Variants in FMN2 observed in about 807,000 individuals in gnomAD.
FMN2 encodes formin-2.
A neutral mutation model predicts 142.3 loss-of-function variants in FMN2; 51 were observed. That is an observed-to-expected ratio of 0.36 (90% CI 0.29 to 0.45). The LOEUF (loss-of-function observed/expected upper bound fraction) is 0.45. Among genes scored for constraint, FMN2 ranks in the 20% least tolerant of loss-of-function variants. The probability of loss-of-function intolerance (pLI) is 1.00; values close to 1 mark genes in which losing one functional copy is unlikely to be tolerated. For missense variants in FMN2, 1,936 were observed against 2,122.8 expected (o/e 0.91, Z 1.73); for synonymous variants, 882 against 869.8 (o/e 1.01, Z -0.25).
chr1:240,388,877 A>G (rs9662808), intron 14 of FMN2, among the ~76,000 whole-genome samples: 2,126 of 135,746 alleles, frequency 0.016, 50 homozygotes, highest in African/African-American at 0.042. Flanking sequence ...AAAAAAAAAA[A>G]GGGGGGGGGT....
At chr1:240,146,414 A>G (rs569744217) in intron 2 of FMN2, among the ~76,000 whole-genome samples, 3 of 133,170 alleles carry the variant, frequency 2.3e-5, no homozygotes, top group African/African-American at 8.1e-5. Context: ...AAAAAAAAAA[A>G]TAGTATGGCC....
At chr1:240,404,878 G>C (rs1257813847) in intron 15 of FMN2, among the ~76,000 whole-genome samples, 2 of 152,146 alleles carry the variant, frequency 1.3e-5, no homozygotes, top group Non-Finnish European at 2.9e-5. Flanking sequence ...AAGGATTTCA[G>C]GATTTTCTGA....
intron 6 of FMN2, among the ~76,000 whole-genome samples, chr1:240,215,263 A>G (rs1666852377): frequency 6.6e-6 from 1 of 152,232 alleles, no homozygotes; most frequent in Non-Finnish European, 1.5e-5. Context: ...GGAAACCACA[A>G]GTCATATTGT....
intron 16 of FMN2, among the ~76,000 whole-genome samples, chr1:240,443,908 CAT>C (rs1675713951): frequency 6.6e-6 from 1 of 152,078 alleles, no homozygotes; most frequent in African/African-American, 2.4e-5. Flanking sequence ...TTCAGGAAGG[CAT>C]TGGCATGACT....
chr1:240,373,149 A>G (rs1035978200), intron 14 of FMN2, among the ~76,000 whole-genome samples: 2 of 152,156 alleles, frequency 1.3e-5, no homozygotes, highest in South Asian at 4.1e-4. Flanking sequence ...TCACCACTGC[A>G]CTCCAGCCTG....
intron 14 of FMN2, among the ~76,000 whole-genome samples, chr1:240,364,825 A>G (rs542381556): frequency 6.6e-6 from 1 of 152,286 alleles, no homozygotes; most frequent in African/African-American, 2.4e-5. Context: ...TACTTCACAG[A>G]TGAATGAATG....
chr1:240,371,088 GCCA>G (rs1184991554), intron 14 of FMN2, among the ~76,000 whole-genome samples: 1 of 151,910 alleles, frequency 6.6e-6, no homozygotes, highest in Non-Finnish European at 1.5e-5. Context: ...ACAGGCACAT[GCCA>G]CCATGCCCAG....
intron 2 of FMN2, among the ~76,000 whole-genome samples, chr1:240,134,798 C>T (rs538366526): frequency 1.3e-5 from 2 of 152,282 alleles, no homozygotes; most frequent in South Asian, 4.1e-4. Flanking sequence ...CCTCCTTTCT[C>T]AATCCATTTT....
At chr1:240,093,954 T>C (rs1661110019) in intron 1 of FMN2, among the ~76,000 whole-genome samples, 1 of 152,236 alleles carries the variant, frequency 6.6e-6, no homozygotes, top group African/African-American at 2.4e-5. Flanking sequence ...AACAACTTAG[T>C]TGTGTCTGTC....
At chr1:240,235,276 G>A (rs1207737887) in intron 6 of FMN2, among the ~76,000 whole-genome samples, 4 of 152,146 alleles carry the variant, frequency 2.6e-5, no homozygotes, top group Admixed American at 1.3e-4. Flanking sequence ...ATCTTTGCAC[G>A]ATTAAATAGA....
intron 2 of FMN2, among the ~76,000 whole-genome samples, chr1:240,176,451 C>T (rs140748663): frequency 5.9e-5 from 9 of 152,242 alleles, no homozygotes; most frequent in East Asian, 1.9e-4. Flanking sequence ...ATTCTGTGAC[C>T]GACTGTTGGC....
In FMN2 at chr1:240,452,062, T is replaced by G. The variant is rs535025131; in HGVS notation, c.5060+13852T>G. On this transcript the variant is annotated intron_variant, in intron 16 of 17. Coordinates refer to ENST00000319653, the MANE Select transcript of FMN2 (RefSeq NM_020066.5). ...AAAAATTAGCCAGGTGTGGTGGCAC[T>G]CACCTGTAGTCCCAGCTACTCAGGA... Among the ~76,000 whole-genome samples the G allele has an allele frequency of 1.7e-4, 26 of 151,982 alleles. No homozygotes were observed. The East Asian group carries it at 2.5e-3, about 15-fold the overall frequency.
At chr1:240,122,017 G>A (rs1165756945) in intron 1 of FMN2, among the ~76,000 whole-genome samples, 1 of 151,626 alleles carries the variant, frequency 6.6e-6, no homozygotes, top group Non-Finnish European at 1.5e-5. Flanking sequence ...CTTCCTTCGA[G>A]AACCATCTGC....
At chr1:240,162,015 C>T (rs560628045) in intron 2 of FMN2, among the ~76,000 whole-genome samples, 12 of 151,774 alleles carry the variant, frequency 7.9e-5, no homozygotes, top group Non-Finnish European at 1.3e-4. Flanking sequence ...ACATGTAATC[C>T]CAGCGCTTTA....
intron 6 of FMN2, among the ~76,000 whole-genome samples, chr1:240,223,549 G>A (rs529290344): frequency 3.0e-4 from 45 of 152,046 alleles, no homozygotes; most frequent in Non-Finnish European, 4.6e-4. Flanking sequence ...GAACCGTTTC[G>A]GAAGGAATGG....
chr1:240,437,237 T>C (rs73130215), intron 15 of FMN2, among the ~76,000 whole-genome samples: 316 of 151,514 alleles, frequency 2.1e-3, no homozygotes, highest in African/African-American at 7.3e-3. Context: ...CATATTGGTC[T>C]CTACTCAATG....
intron 7 of FMN2, among the ~76,000 whole-genome samples, chr1:240,278,417 G>A (rs1669289932): frequency 6.6e-6 from 1 of 152,192 alleles, no homozygotes; most frequent in Non-Finnish European, 1.5e-5. Context: ...AGTCTGGGGA[G>A]TTAACTTTTA....
intron 8 of FMN2, among the ~76,000 whole-genome samples, chr1:240,313,406 A>G (rs1423406522): frequency 6.6e-6 from 1 of 152,242 alleles, no homozygotes; most frequent in Non-Finnish European, 1.5e-5. Flanking sequence ...ATAATATTAT[A>G]TGATGTATTT....
chr1:240,351,472 A>C (rs1335840096), intron 13 of FMN2, among the ~76,000 whole-genome samples: 3 of 152,188 alleles, frequency 2.0e-5, no homozygotes, highest in African/African-American at 7.2e-5. Context: ...CATGTTTCCC[A>C]GTGTGCACAG....
Sources: gnomAD v4.1 joint callset for allele counts (sites outside exome capture counted in the v4.1 genomes callset) on GRCh38, gnomAD v4.1.1 for gene constraint, MANE v1.5 for transcripts, NCBI Gene and HGNC (gene_info 2026-07-23, HGNC 2026-07-21) for gene names.